The following MACROD2 variants were observed in gnomAD, a reference collection of about 807,000 sequenced individuals.
MACROD2 encodes the protein mono-ADP ribosylhydrolase 2, also known as ADP-ribose glycohydrolase MACROD2.
Under a neutral mutation model 70.4 loss-of-function variants are expected in MACROD2, and 36 were observed. That is an observed-to-expected ratio of 0.51 (90% CI 0.39 to 0.68). The LOEUF is 0.68. Ranked by LOEUF, MACROD2 falls within the 30% of genes least tolerant of loss-of-function variation. MACROD2 has a pLI of 0.00. For synonymous variants in MACROD2, 172 were observed against 178.8 expected (o/e 0.96, Z 0.30); for missense variants, 496 against 538.4 (o/e 0.92, Z 0.78).
intron 8 of MACROD2, among the ~76,000 whole-genome samples, chr20:15,735,322 T>C (rs190873298): frequency 3.3e-5 from 5 of 152,270 alleles, no homozygotes; most frequent in African/African-American, 1.2e-4. Flanking sequence ...TAGTGGTTAA[T>C]TTATTTGTTT....
intron 2 of MACROD2, among the ~76,000 whole-genome samples, chr20:14,064,476 G>T (rs1216387037): frequency 1.3e-5 from 2 of 151,950 alleles, no homozygotes; most frequent in Admixed American, 1.3e-4. Flanking sequence ...GCTGGCTCTC[G>T]CACCTGCATT....
intron 3 of MACROD2, among the ~76,000 whole-genome samples, chr20:14,486,377 C>G (rs2084730534): frequency 6.6e-6 from 1 of 152,010 alleles, no homozygotes; most frequent in Non-Finnish European, 1.5e-5. Context: ...TGACTGAACC[C>G]AACTAGAGAC....
At chr20:15,332,843 C>G (rs930608481) in intron 6 of MACROD2, among the ~76,000 whole-genome samples, 1 of 151,598 alleles carries the variant, frequency 6.6e-6, no homozygotes, top group African/African-American at 2.4e-5. Flanking sequence ...CTTTGCACAG[C>G]AACTCAGATC....
chr20:15,916,860 G>A lies in MACROD2; in HGVS notation c.776-16416G>A, dbSNP rs76215418. Among the ~76,000 whole-genome samples the A allele has an allele frequency of 4.2e-3, 634 of 152,304 alleles. 5 individuals are homozygous for A. Among genetic ancestry groups the A allele is most frequent in the African/African-American group, 0.015 (603 of 41,566 alleles). On this transcript the variant is annotated intron_variant, in intron 10 of 17. Transcript: ENST00000684519. The stretch of plus-strand genomic sequence containing the variant: ...TGAGTTCAGGTATGCGGTTTCCTAG[G>A]CTGAGTCATCTCCTGCTATTTCGTC...
At chr20:15,061,335 C>T (rs559943148) in intron 5 of MACROD2, among the ~76,000 whole-genome samples, 1 of 152,284 alleles carries the variant, frequency 6.6e-6, no homozygotes, top group South Asian at 2.1e-4. Flanking sequence ...AACAGAAATG[C>T]TGGAGTGTTC....
At chr20:14,704,693 C>T (rs1477642951) in intron 5 of MACROD2, among the ~76,000 whole-genome samples, 1 of 152,164 alleles carries the variant, frequency 6.6e-6, no homozygotes, top group Non-Finnish European at 1.5e-5. Context: ...CTTGATTCCA[C>T]AGCCTTCGAA....
chr20:14,085,343 T>C (rs1450431757), intron 2 of MACROD2, among the ~76,000 whole-genome samples: 1 of 152,132 alleles, frequency 6.6e-6, no homozygotes, highest in Non-Finnish European at 1.5e-5. Context: ...AGAATGGATA[T>C]TTTAATAAAA....
intron 8 of MACROD2, among the ~76,000 whole-genome samples, chr20:15,717,972 G>A (rs1179507450): frequency 6.6e-6 from 1 of 151,514 alleles, no homozygotes; most frequent in Admixed American, 6.6e-5. Context: ...GTCCTGAAAT[G>A]TCCTCATAGC....
At chr20:15,354,887 T>C (rs1156428073) in intron 6 of MACROD2, among the ~76,000 whole-genome samples, 2 of 152,216 alleles carry the variant, frequency 1.3e-5, no homozygotes, top group Non-Finnish European at 2.9e-5. Flanking sequence ...TAGAACTACA[T>C]AGTAATATGT....
At chr20:15,276,387 G>A (rs559390284) in intron 6 of MACROD2, among the ~76,000 whole-genome samples, 96 of 120,136 alleles carry the variant, frequency 8.0e-4, no homozygotes, top group African/African-American at 3.0e-3. Flanking sequence ...GCGACAGAGA[G>A]AGACTCCCTC....
intron 7 of MACROD2, among the ~76,000 whole-genome samples, chr20:15,495,807 A>G (rs916712450): frequency 2.0e-5 from 3 of 152,364 alleles, no homozygotes; most frequent in Admixed American, 6.5e-5. Flanking sequence ...GTAAAGGTAC[A>G]TGGTATTATG....
At chr20:14,980,259 T>C (rs1477597988) in intron 5 of MACROD2, among the ~76,000 whole-genome samples, 2 of 152,160 alleles carry the variant, frequency 1.3e-5, no homozygotes, top group Non-Finnish European at 2.9e-5. Context: ...AATGAATTAC[T>C]AGGTTAGTAG....
At chr20:15,483,778 A>G (rs1357327746) in intron 7 of MACROD2, among the ~76,000 whole-genome samples, 1 of 151,654 alleles carries the variant, frequency 6.6e-6, no homozygotes, top group East Asian at 1.9e-4. Context: ...GATCTTTTAC[A>G]TATTTTGTTA....
intron 4 of MACROD2, among the ~76,000 whole-genome samples, chr20:14,600,692 A>G (rs1415876769): frequency 6.6e-6 from 1 of 152,212 alleles, no homozygotes; most frequent in Non-Finnish European, 1.5e-5. Context: ...CACAGACTCC[A>G]GAGCCAAGGC....
chr20:15,458,618 TG>T (rs1170361457), intron 7 of MACROD2, among the ~76,000 whole-genome samples: 122 of 147,332 alleles, frequency 8.3e-4, no homozygotes, highest in African/African-American at 2.3e-3. Flanking sequence ...ACTGTTTTTT[TG>T]TTTTTTTGTT....
intron 5 of MACROD2, among the ~76,000 whole-genome samples, chr20:14,781,540 G>T (rs2072301394): frequency 1.3e-5 from 2 of 149,928 alleles, no homozygotes; most frequent in Non-Finnish European, 3.0e-5. Context: ...GAGTGATTGG[G>T]ATTCTGAAGG....
intron 5 of MACROD2, among the ~76,000 whole-genome samples, chr20:14,794,018 T>C (rs2072482064): frequency 6.6e-6 from 1 of 152,070 alleles, no homozygotes; most frequent in African/African-American, 2.4e-5. Flanking sequence ...TGTAGCTTCA[T>C]GGTCCCAGGT....
At chr20:15,751,546 T>C (rs781526159) in intron 8 of MACROD2, among the ~76,000 whole-genome samples, 83 of 152,112 alleles carry the variant, frequency 5.5e-4, no homozygotes, top group Admixed American at 4.0e-3. Context: ...TGTTTTCTTG[T>C]GGACAAAGAC....
intron 5 of MACROD2, among the ~76,000 whole-genome samples, chr20:15,166,935 TATTTA>T (rs71946403): frequency 0.077 from 11,539 of 150,266 alleles, 533 homozygotes; most frequent in South Asian, 0.14. Context: ...TAAATTTAAG[TATTTA>T]ATTTAAGTAT....
Sources: gnomAD v4.1 joint callset for allele counts (sites outside exome capture counted in the v4.1 genomes callset) on GRCh38, gnomAD v4.1.1 for gene constraint, MANE v1.5 for transcripts, NCBI Gene and HGNC (gene_info 2026-07-23, HGNC 2026-07-21) for gene names.